PLD1: variants seen among roughly 807,000 people sequenced by gnomAD.
The protein encoded by PLD1 is choline phosphatase 1.
Under a neutral mutation model 137.1 loss-of-function variants are expected in PLD1, and 112 were observed. That is an observed-to-expected ratio of 0.82 (90% CI 0.70 to 0.96). The LOEUF is 0.96. PLD1 is among the 40% of genes least tolerant of loss of function. PLD1 has a pLI of 0.00. For synonymous variants in PLD1, 431 were observed against 454.7 expected, an observed-to-expected ratio of 0.95 and a Z score of 0.66; for missense variants, 1,321 against 1,342.0, an observed-to-expected ratio of 0.98 and a Z score of 0.24.
chr3:171,792,444 G>A (rs1302350731), intron 1 of PLD1: 4 of 375,154 alleles, frequency 1.1e-5, no homozygotes, highest in African/African-American at 2.1e-5. Flanking sequence ...ATGGATCAGG[G>A]GCCCCTGGCC....
At position 171,699,742 on chromosome 3, in the gene PLD1, T is replaced by G. The variant is rs1560229866; in HGVS notation, c.1227+3A>C. 6.2e-7 allele frequency: 1 copy of G among 1,602,702 alleles called. No individual in the cohort carries two copies. Among genetic ancestry groups the G allele is most frequent in the East Asian group, 2.2e-5 (1 of 44,816 alleles). On this transcript the variant is annotated splice_donor_region_variant and intron_variant, in intron 12 of 26. Transcript: ENST00000351298. ...TATCAGCATTTTCTGGGAAAGTACA[T>G]ACTGCTTTTCGTTTAAGAATGCAGT...
intron 23 of PLD1, among the ~76,000 whole-genome samples, chr3:171,637,967 T>C (rs968302452): frequency 1.4e-4 from 21 of 151,284 alleles, no homozygotes; most frequent in Non-Finnish European, 1.6e-4. Context: ...GATCACGAGG[T>C]CAGGAGATAG....
intron 1 of PLD1, among the ~76,000 whole-genome samples, chr3:171,749,858 A>G (rs146749018): frequency 7.2e-4 from 110 of 152,362 alleles, no homozygotes; most frequent in South Asian, 3.3e-3. Context: ...ATACATTCCA[A>G]TGCAACTCAG....
In PLD1 at chr3:171,620,426, G is replaced by A; in HGVS notation, c.2688C>T (p.His896=). The A allele has an allele frequency of 1.3e-6, 2 of 1,598,830 alleles. No individual in the cohort carries two copies. The highest frequency in any genetic ancestry group is 1.7e-6 in the Non-Finnish European group (2 of 1,168,766). Residue 896 remains histidine, a synonymous_variant, in exon 24 of 27, where the codon CAC becomes CAT. Transcript: ENST00000351298. ...GNLVTELIYV[H]SKLLIADDNT... ...TATCATCAGCAATTAACAACTTGCT[G>A]TGGACATAGATAAGCTCAGTTACTA... is the stretch of plus-strand genomic sequence containing the variant.
Position 171,735,638 on chromosome 3 carries a change from C to G in PLD1, c.289-1G>C, listed in dbSNP as rs753330126. The G allele has an allele frequency of 4.1e-6, 6 of 1,475,702 alleles. No homozygotes were observed. The highest frequency in any genetic ancestry group is 5.7e-6 in the Non-Finnish European group (6 of 1,055,724). The allele number at this position is 1,475,702 out of a possible 1,614,324, so 91.4% of individuals were successfully genotyped here. A position where few individuals can be genotyped will look rare whatever the true frequency, so the allele number is the denominator to read the frequency against. ...TAGTGTAAAGATTAATACTTGGTAC[C>G]TACAGTGATACATAAAAATGTTTGA... On this transcript the variant is annotated splice_acceptor_variant, in intron 3 of 26. Coordinates refer to ENST00000351298, the MANE Select transcript of PLD1 (RefSeq NM_002662.5). LOFTEE classifies it high-confidence loss of function.
In PLD1 at chr3:171,676,152, G is replaced by A. The variant is rs141546153; in HGVS notation, c.2115+563C>T. Among the ~76,000 whole-genome samples, 4 of 152,122 alleles carry A rather than the reference G, an allele frequency of 2.6e-5. No homozygotes were observed. The East Asian group carries it at 7.7e-4, about 29-fold the overall frequency. ...CCACCGTGCCTGGCCTGAATGATAC[G>A]TACTTAACTTATGAATGTTAGGTTT... On this transcript the variant is annotated intron_variant, in intron 18 of 26. Transcript: ENST00000351298.
At chr3:171,646,306 C>G (rs1441692110) in intron 21 of PLD1, among the ~76,000 whole-genome samples, 1 of 152,218 alleles carries the variant, frequency 6.6e-6, no homozygotes, top group Non-Finnish European at 1.5e-5. Context: ...TTAAACTTCT[C>G]ATTTCTAAAG....
chr3:171,732,234 T>C (rs1345915663), intron 6 of PLD1, among the ~76,000 whole-genome samples: 2 of 152,190 alleles, frequency 1.3e-5, no homozygotes, highest in Non-Finnish European at 2.9e-5. Context: ...ATTTCAACAA[T>C]ACAAGTTCCT....
At chr3:171,768,072 T>C (rs1193407349) in intron 1 of PLD1, among the ~76,000 whole-genome samples, 1 of 152,094 alleles carries the variant, frequency 6.6e-6, no homozygotes, top group East Asian at 1.9e-4. Flanking sequence ...TGACTATTAC[T>C]ACTAACTGGG....
chr3:171,700,895 G>A (rs1241234098), intron 11 of PLD1, among the ~76,000 whole-genome samples: 1 of 152,174 alleles, frequency 6.6e-6, no homozygotes, highest in African/African-American at 2.4e-5. Flanking sequence ...ACATGTACAT[G>A]ATGTAACTTC....
intron 1 of PLD1, among the ~76,000 whole-genome samples, chr3:171,739,212 C>A (rs1178907563): frequency 6.6e-6 from 1 of 152,206 alleles, no homozygotes; most frequent in Non-Finnish European, 1.5e-5. Context: ...TTAGCTGGGT[C>A]TCTCCTGCAG....
chr3:171,676,213 A>C (rs1027534349), intron 18 of PLD1, among the ~76,000 whole-genome samples: 4 of 152,194 alleles, frequency 2.6e-5, no homozygotes, highest in African/African-American at 9.6e-5. Flanking sequence ...TAATGAGGAC[A>C]CAATCTGGAT....
chr3:171,735,347 G>T, intron 4 of PLD1, 145 bp downstream of exon 4: 1 of 700,742 alleles, frequency 1.4e-6, no homozygotes, highest in Non-Finnish European at 2.5e-6. Context: ...CGTTACACAG[G>T]CTAGTCTCAA....
chr3:171,777,471 C>T lies in PLD1; in HGVS notation c.-32+32928G>A, dbSNP rs908465657. On this transcript the variant is annotated intron_variant, in intron 1 of 26. Transcript: ENST00000351298. ...CTTTCCTAATTGCCCAGAGGCATTT[C>T]CTTCCTTGCTTACCCAATCTAAGGA... Among the ~76,000 whole-genome samples the T allele has an allele frequency of 6.6e-5, 10 of 152,294 alleles. 1 individual carries two copies. The highest frequency in any genetic ancestry group is 2.4e-4 in the African/African-American group (10 of 41,572).
intron 13 of PLD1, 125 bp downstream of exon 13, chr3:171,692,207 C>A: frequency 1.8e-6 from 1 of 568,338 alleles, no homozygotes; most frequent in Non-Finnish European, 3.2e-6. Flanking sequence ...TCTGAGGACA[C>A]AATGCTATTT....
At chr3:171,690,725 C>A (rs554269442) in intron 13 of PLD1, among the ~76,000 whole-genome samples, 6 of 152,278 alleles carry the variant, frequency 3.9e-5, no homozygotes, top group African/African-American at 1.4e-4. Context: ...CTTTTAAAAT[C>A]TATTAGGACT....
intron 1 of PLD1, among the ~76,000 whole-genome samples, chr3:171,783,998 C>A (rs558404948): frequency 9.2e-5 from 14 of 152,314 alleles, no homozygotes; most frequent in African/African-American, 3.4e-4. Context: ...TTGTCTTATA[C>A]TCTCTGTGTC....
chr3:171,641,851 G>T (rs1735775721), intron 23 of PLD1, among the ~76,000 whole-genome samples: 1 of 152,084 alleles, frequency 6.6e-6, no homozygotes, highest in South Asian at 2.1e-4. Context: ...TGATGAATTT[G>T]CTCCAGGGGC....
intron 20 of PLD1, 118 bp from the exon 21 acceptor site, chr3:171,659,419 G>T: frequency 1.5e-6 from 1 of 652,300 alleles, no homozygotes; most frequent in Non-Finnish European, 2.6e-6. Flanking sequence ...TCTGATCACT[G>T]AAATCACATC....
Sources: allele counts gnomAD v4.1 joint callset (sites outside exome capture counted in the v4.1 genomes callset), GRCh38; gene constraint gnomAD v4.1.1; transcripts MANE v1.5; gene names NCBI Gene and HGNC (gene_info 2026-07-23, HGNC 2026-07-21).